SP140: variants seen among roughly 807,000 people sequenced by gnomAD.
SP140 encodes nuclear body protein SP140.
In SP140, 81 loss-of-function variants were observed where a neutral mutation model predicts 125.0. The observed-to-expected ratio is 0.65, with a 90% CI of 0.54 to 0.78. The LOEUF is 0.78. SP140 is among the 30% of genes least tolerant of loss of function. The probability of loss-of-function intolerance (pLI) is 0.00; values close to 1 mark genes in which losing one functional copy is unlikely to be tolerated. For missense variants in SP140, 858 were observed against 1,037.0 expected (o/e 0.83, Z 2.37); for synonymous variants, 312 against 354.0 (o/e 0.88, Z 1.33).
At chr2:230,288,867 C>A (rs1253734631) in intron 18 of SP140, among the ~76,000 whole-genome samples, 1 of 152,148 alleles carries the variant, frequency 6.6e-6, no homozygotes, top group Non-Finnish European at 1.5e-5. Flanking sequence ...TCCAGTCTAT[C>A]ATTGATGGAC....
intron 22 of SP140, among the ~76,000 whole-genome samples, chr2:230,299,219 G>A (rs946254736): frequency 6.2e-4 from 94 of 152,298 alleles, no homozygotes; most frequent in African/African-American, 2.1e-3. Context: ...AAAAGAAGTG[G>A]CTTGCCACCG....
chr2:230,264,843 G>A (rs944400742), intron 12 of SP140, among the ~76,000 whole-genome samples: 1 of 152,186 alleles, frequency 6.6e-6, no homozygotes, highest in Admixed American at 6.5e-5. Context: ...GGGTCTCTCA[G>A]CTGTGGATAC....
At chr2:230,192,909 C>T in the SP140 span, among the ~76,000 whole-genome samples, 1 of 151,944 alleles carries the variant, frequency 6.6e-6, no homozygotes, top group Non-Finnish European at 1.5e-5. Flanking sequence ...TCTTTTTTGA[C>T]TTTCTGTCTC....
In SP140 at chr2:230,248,972, A is replaced by G; in HGVS notation, c.976+4A>G. On this transcript the variant is annotated splice_donor_region_variant and intron_variant, in intron 9 of 26. Transcript: ENST00000392045. ...CTACTACCAGGTGAAGGAGAAGGTA[A>G]TTATGATTTAAGTTTTTAAATATTT... The G allele has an allele frequency of 6.2e-7, 1 of 1,602,564 alleles. No individual in the cohort carries two copies. Among genetic ancestry groups the G allele is most frequent in the Admixed American group, 1.7e-5 (1 of 59,236 alleles).
At chr2:230,233,286 C>T (rs941976489) in intron 1 of SP140, among the ~76,000 whole-genome samples, 12 of 152,046 alleles carry the variant, frequency 7.9e-5, no homozygotes, top group Non-Finnish European at 1.3e-4. Flanking sequence ...AAATAAGTTA[C>T]TTAACTCAAT....
chr2:230,219,918 A>G (rs1158678695), intron 3 of SP140: 7 of 985,558 alleles, frequency 7.1e-6, no homozygotes, highest in East Asian at 1.1e-4. Flanking sequence ...AGGGGCTGGG[A>G]CAGGGATCAC....
chr2:230,202,921 C>A, upstream of SP140: 1 of 613,202 alleles, frequency 1.6e-6, no homozygotes, highest in African/African-American at 1.8e-5. Context: ...TTCTTTGCCT[C>A]CCCAAATTAC....
intron 10 of SP140, among the ~76,000 whole-genome samples, chr2:230,251,413 C>G (rs1010496592): frequency 2.0e-5 from 3 of 152,132 alleles, no homozygotes; most frequent in African/African-American, 7.2e-5. Flanking sequence ...TCTCCTGATA[C>G]CCTCACAAAA....
intron 12 of SP140, among the ~76,000 whole-genome samples, chr2:230,265,471 T>G (rs2052952942): frequency 6.6e-6 from 1 of 152,212 alleles, no homozygotes; most frequent in South Asian, 2.1e-4. Context: ...CCAGGAGGCG[T>G]CTCACCCTGT....
In SP140 at chr2:230,244,778, G is replaced by A. The variant is rs529325709; in HGVS notation, c.572-210G>A. Among the ~76,000 whole-genome samples, 52 of 152,158 alleles carry A rather than the reference G, an allele frequency of 3.4e-4. 1 individual carries two copies. In the South Asian group the frequency reaches 0.011, roughly 31 times the overall value. ...TCATGGCGTAGAAGCAAGAGTGTGT[G>A]GTAACCAAAAAGTGAGAAGGAGAAA... On this transcript the variant is annotated intron_variant, in intron 5 of 26. Coordinates refer to ENST00000392045, the MANE Select transcript of SP140 (RefSeq NM_007237.5).
At chr2:230,212,413 TTA>T (rs1176454168) in intron 1 of SP140, 3 of 1,611,656 alleles carry the variant, frequency 1.9e-6, no homozygotes, top group Non-Finnish European at 2.5e-6. Flanking sequence ...ATTTTGGATG[TTA>T]ACTTGTCATT....
chr2:230,199,525 T>C (rs62193101), upstream of SP140, among the ~76,000 whole-genome samples: 1,811 of 152,220 alleles, frequency 0.012, 14 homozygotes, highest in Non-Finnish European at 0.018. Flanking sequence ...ATAATCCTAA[T>C]GGTGACAGCA....
At position 230,245,888 on chromosome 2, in the gene SP140, A is replaced by G; in HGVS notation, c.690A>G (p.Ile230Met). The G allele has an allele frequency of 6.2e-7, 1 of 1,607,674 alleles. No individual in the cohort carries two copies. Among genetic ancestry groups the G allele is most frequent in the Non-Finnish European group, 8.5e-7 (1 of 1,174,138 alleles). ...TGTCCTGTAAACTTGCTATACAAAT[A>G]GATGAAGGAGAATCAGAAGAAATGC... ...GGVSCKLAIQ[I>M]DEGESEEMPK... The change falls in exon 7 of 27, where the codon ATA (isoleucine) becomes ATG (methionine). Residue 230 changes from isoleucine to methionine, a missense_variant. Physicochemically the swap from Ile to Met is conservative, Grantham distance 10. Around this residue, in one of 4 missense-constraint regions of SP140, gnomAD observed 791 missense variants for 869.5 expected, o/e 0.91. Transcript: ENST00000392045.
At chr2:230,260,205 T>G (rs1391339912) in intron 12 of SP140, among the ~76,000 whole-genome samples, 1 of 152,214 alleles carries the variant, frequency 6.6e-6, no homozygotes, top group African/African-American at 2.4e-5. Context: ...TGTTGAGCAA[T>G]TTTTTCATAT....
chr2:230,240,987 T>A (rs191201936), intron 3 of SP140, among the ~76,000 whole-genome samples: 42 of 152,288 alleles, frequency 2.8e-4, no homozygotes, highest in African/African-American at 1.0e-3. Flanking sequence ...TGAACTGTTA[T>A]CACATAGAGC....
Position 230,292,690 on chromosome 2 carries a change from AC to A in SP140, c.1875del (p.Thr626ArgfsTer17). The A allele has an allele frequency of 6.2e-7, 1 of 1,614,004 alleles. No individual in the cohort carries two copies. Among genetic ancestry groups the A allele is most frequent in the Non-Finnish European group, 8.5e-7 (1 of 1,179,990 alleles). On this transcript the variant is annotated frameshift_variant, in exon 20 of 27. Transcript: ENST00000392045. LOFTEE classifies it high-confidence loss of function. ...CIQTEDGKWF[T>X]PTEFEIKGGH... ...ACAGACTGAGGATGGAAAATGGTTCACCCCCACGGAATTTGAAATCAAAGGA... is the reference window on the plus strand; with the variant it reads ...ACAGACTGAGGATGGAAAATGGTTCACCCCACGGAATTTGAAATCAAAGGA...
At chr2:230,212,531 A>C (rs1014847620) in intron 1 of SP140, 1 of 1,098,238 alleles carries the variant, frequency 9.1e-7, no homozygotes, top group Non-Finnish European at 1.4e-6. Flanking sequence ...TCAAGGCACA[A>C]GGGCAGAGGG....
chr2:230,197,604 A>G, the SP140 span, among the ~76,000 whole-genome samples: 1 of 151,698 alleles, frequency 6.6e-6, no homozygotes, highest in Admixed American at 6.6e-5. Flanking sequence ...TGTTTTAGAC[A>G]TGAAGTCCTT....
chr2:230,193,557 C>T, the SP140 span, among the ~76,000 whole-genome samples: 2 of 152,176 alleles, frequency 1.3e-5, no homozygotes, highest in Non-Finnish European at 2.9e-5. Context: ...CTGGTAGTGA[C>T]AAATTCCCTC....
Sources: gnomAD v4.1 joint callset for allele counts (sites outside exome capture counted in the v4.1 genomes callset) on GRCh38, gnomAD v4.1.1 for gene constraint, gnomAD v4.1.1 regional missense constraint, MANE v1.5 for transcripts, NCBI Gene and HGNC (gene_info 2026-07-23, HGNC 2026-07-21) for gene names.